Variants in NRXN3 observed in about 807,000 individuals in gnomAD.
The protein encoded by NRXN3 is neurexin 3.
In NRXN3, 32 loss-of-function variants were observed where a neutral mutation model predicts 137.6. That is an observed-to-expected ratio of 0.23 (90% CI 0.18 to 0.31). The LOEUF is 0.31. Among genes scored for constraint, NRXN3 ranks in the 10% least tolerant of loss-of-function variants. The pLI, the probability that NRXN3 is intolerant of heterozygous loss-of-function variation, is 1.00. For synonymous variants in NRXN3, 798 were observed against 784.5 expected, an observed-to-expected ratio of 1.02 and a Z score of -0.29; for missense variants, 1,574 against 2,062.5, an observed-to-expected ratio of 0.76 and a Z score of 4.59.
intron 15 of NRXN3, among the ~76,000 whole-genome samples, chr14:79,114,049 G>T (rs74510759): frequency 6.6e-6 from 1 of 152,136 alleles, no homozygotes. Flanking sequence ...AATGACATTT[G>T]TAGTCACATT....
chr14:78,986,977 C>A (rs1011833334), intron 14 of NRXN3, among the ~76,000 whole-genome samples: 1 of 134,164 alleles, frequency 7.5e-6, no homozygotes. Context: ...GAGCCAAGAT[C>A]GTGCCACTGC....
intron 16 of NRXN3, among the ~76,000 whole-genome samples, chr14:79,565,888 G>C (rs567813319): frequency 6.6e-6 from 1 of 152,224 alleles, no homozygotes; most frequent in African/African-American, 2.4e-5. Context: ...AATTACAATT[G>C]TTAATGTTTG....
At chr14:78,585,944 T>A (rs2097058138) in intron 4 of NRXN3, among the ~76,000 whole-genome samples, 1 of 152,314 alleles carries the variant, frequency 6.6e-6, no homozygotes, top group African/African-American at 2.4e-5. Context: ...ATTTAGAGGC[T>A]TGAGACTGGA....
chr14:78,407,738 G>T (rs2092576889), intron 4 of NRXN3, among the ~76,000 whole-genome samples: 1 of 152,056 alleles, frequency 6.6e-6, no homozygotes, highest in African/African-American at 2.4e-5. Flanking sequence ...TAATTTTGCT[G>T]CTCAGCCTCT....
At chr14:78,457,898 G>C (rs552724716) in intron 4 of NRXN3, among the ~76,000 whole-genome samples, 1 of 152,150 alleles carries the variant, frequency 6.6e-6, no homozygotes, top group African/African-American at 2.4e-5. Flanking sequence ...ATGCCCATGG[G>C]TGATGTGGTA....
chr14:78,933,017 A>G (rs2099326656), intron 10 of NRXN3, among the ~76,000 whole-genome samples: 1 of 152,182 alleles, frequency 6.6e-6, no homozygotes, highest in Non-Finnish European at 1.5e-5. Flanking sequence ...TTGCAGTTGA[A>G]ATTTGGCATG....
intron 10 of NRXN3, among the ~76,000 whole-genome samples, chr14:78,904,576 G>A (rs373736463): frequency 1.3e-5 from 2 of 151,996 alleles, no homozygotes; most frequent in African/African-American, 4.8e-5. Context: ...GATTTCTAGA[G>A]AGAACCTCAA....
At chr14:79,036,266 T>G (rs1174087700) in intron 15 of NRXN3, among the ~76,000 whole-genome samples, 2 of 152,074 alleles carry the variant, frequency 1.3e-5, no homozygotes, top group Non-Finnish European at 2.9e-5. Context: ...TCTTCCTCTT[T>G]TAAAGTAACA....
intron 15 of NRXN3, among the ~76,000 whole-genome samples, chr14:79,013,616 T>A (rs201496578): frequency 6.6e-6 from 1 of 152,206 alleles, no homozygotes; most frequent in East Asian, 1.9e-4. Flanking sequence ...TTTATTAGAC[T>A]GACTTTGCTT....
At chr14:79,446,635 C>G (rs536911575) in intron 15 of NRXN3, among the ~76,000 whole-genome samples, 22 of 152,070 alleles carry the variant, frequency 1.4e-4, no homozygotes, top group Non-Finnish European at 2.6e-4. Context: ...TGCCCCCTCC[C>G]TGTCTTCTCT....
intron 16 of NRXN3, among the ~76,000 whole-genome samples, chr14:79,494,466 T>C (rs750424701): frequency 6.6e-6 from 1 of 152,192 alleles, no homozygotes. Context: ...GCAGTTTCAT[T>C]AAACATGGTC....
intron 17 of NRXN3, among the ~76,000 whole-genome samples, chr14:79,665,923 C>T (rs534324243): frequency 2.6e-5 from 4 of 152,100 alleles, no homozygotes; most frequent in East Asian, 1.9e-4. Context: ...TATTTAGTAA[C>T]GATATGTGTT....
rs79624755 is a variant in NRXN3 at position 78,663,477 on chromosome 14, G to T, written c.1221+12151G>T. Among the ~76,000 whole-genome samples the T allele has an allele frequency of 6.1e-3, 922 of 152,300 alleles. 7 individuals are homozygous for T. Among genetic ancestry groups the T allele is most frequent in the African/African-American group, 0.021 (891 of 41,554 alleles). ...CTAACGGAGGAATGATTTTCATTATGGTACCTGAGAGGGAAGATGCTGCTC... is the reference window on the plus strand; with the variant it reads ...CTAACGGAGGAATGATTTTCATTATTGTACCTGAGAGGGAAGATGCTGCTC... On this transcript the variant is annotated intron_variant, in intron 6 of 20. Coordinates refer to ENST00000335750, the MANE Select transcript of NRXN3 (RefSeq NM_001330195.2).
chr14:79,668,812 G>T (rs2098587164), intron 17 of NRXN3, among the ~76,000 whole-genome samples: 1 of 151,916 alleles, frequency 6.6e-6, no homozygotes, highest in African/African-American at 2.4e-5. Context: ...ATACCCTCTG[G>T]TCAGCAAAAT....
chr14:79,752,470 G>A (rs556455176), intron 19 of NRXN3, among the ~76,000 whole-genome samples: 1 of 152,274 alleles, frequency 6.6e-6, no homozygotes, highest in East Asian at 1.9e-4. Flanking sequence ...AATGGGGAAA[G>A]GATTCCCTAT....
At chr14:78,951,186 C>T (rs2099386368) in intron 10 of NRXN3, among the ~76,000 whole-genome samples, 1 of 152,110 alleles carries the variant, frequency 6.6e-6, no homozygotes, top group African/African-American at 2.4e-5. Context: ...CATTATTTCA[C>T]TTTTGGTCTA....
rs551291624 is a variant in NRXN3, at chr14:78,223,946, T to C, written c.-703-18445T>C. Among the ~76,000 whole-genome samples the C allele has an allele frequency of 4.6e-5, 7 of 152,310 alleles. No individual in the cohort carries two copies. In the East Asian group the frequency reaches 1.3e-3, roughly 29 times the overall value. On this transcript the variant is annotated intron_variant, in intron 1 of 20. Coordinates refer to ENST00000335750, the MANE Select transcript of NRXN3 (RefSeq NM_001330195.2). ...CAGGCGTATTGAGAATGGCCATGGA[T>C]GGTTGAGAACTAGGCACGGGGATCA...
intron 20 of NRXN3, among the ~76,000 whole-genome samples, chr14:79,806,941 TATATA>T: frequency 1.6e-5 from 1 of 61,316 alleles, no homozygotes; most frequent in African/African-American, 7.8e-5. Flanking sequence ...TTTAATTTTA[TATATA>T]TATATATATA....
chr14:78,204,980 C>T (rs1187635875), intron 1 of NRXN3, among the ~76,000 whole-genome samples: 10 of 152,158 alleles, frequency 6.6e-5, no homozygotes, highest in South Asian at 2.1e-4. Context: ...AGTCAAAGTG[C>T]GGAGACCAAG....
Sources: allele counts gnomAD v4.1 joint callset (sites outside exome capture counted in the v4.1 genomes callset), GRCh38; gene constraint gnomAD v4.1.1; transcripts MANE v1.5; gene names NCBI Gene and HGNC (gene_info 2026-07-23, HGNC 2026-07-21).